Variants in ASPM observed in about 807,000 individuals in gnomAD.
ASPM encodes assembly factor for spindle microtubules, also known as abnormal spindle-like microcephaly-associated protein.
ASPM carries 256 observed loss-of-function variants against 366.4 expected under a neutral mutation model. The observed-to-expected ratio is 0.70, with a 90% CI of 0.63 to 0.77. The LOEUF (loss-of-function observed/expected upper bound fraction) is 0.77, where lower values mean the gene tolerates loss of function less well. ASPM is among the 30% of genes least tolerant of loss of function. The probability of loss-of-function intolerance (pLI) is 0.00; values close to 1 mark genes in which losing one functional copy is unlikely to be tolerated. For synonymous variants in ASPM, 1,414 were observed against 1,342.9 expected (o/e 1.05, Z -1.16); for missense variants, 4,146 against 4,090.4 (o/e 1.01, Z -0.37).
Position 197,143,732 on chromosome 1 carries a change from T to C in ASPM, c.520A>G (p.Asn174Asp). ...GAAACACTAAATGTTTTATTAACAT[T>C]CTGAATATTTGAAACCCTTCTGTTG... ...SHNRRVSNIQ[N>D]VNKTFSVSQK... The change falls in exon 3 of 28, where the codon AAT becomes GAT. Residue 174 changes from asparagine to aspartate, a missense_variant. Physicochemically the swap from Asn to Asp is conservative, Grantham distance 23 (BLOSUM62 1). Around this residue, in one of 3 missense-constraint regions of ASPM, gnomAD observed 512 missense variants for 471.7 expected, o/e 1.09. Transcript: ENST00000367409. 6.2e-7 allele frequency: 1 copy of C among 1,613,748 alleles called. No homozygotes were observed. The highest frequency in any genetic ancestry group is 1.1e-5 in the South Asian group (1 of 91,014).
In ASPM at chr1:197,086,814, T is replaced by A; in HGVS notation, c.10320A>T (p.Arg3440Ser). The change falls in exon 27 of 28, where the codon AGA (arginine) becomes AGT (serine). Residue 3440 changes from arginine (R) to serine (S), a missense_variant. Coordinates refer to ENST00000367409, the MANE Select transcript of ASPM (RefSeq NM_018136.5). ...PFIPETPVRT[R>S]IVSRLKPDWV... ...ATTTAATTGCTTACCTTGAAACTATTCTGGTCCTTACAGGTGTTTCTGGGA... is the reference window on the plus strand; with the variant it reads ...ATTTAATTGCTTACCTTGAAACTATACTGGTCCTTACAGGTGTTTCTGGGA... 1 of 1,608,202 alleles carries A rather than the reference T, an allele frequency of 6.2e-7. No homozygotes were observed. Among genetic ancestry groups the A allele is most frequent in the Non-Finnish European group, 8.5e-7 (1 of 1,175,004 alleles).
intron 17 of ASPM, among the ~76,000 whole-genome samples, chr1:197,107,855 TG>T: frequency 6.6e-6 from 1 of 152,158 alleles, no homozygotes; most frequent in Admixed American, 6.6e-5. Context: ...CCAATTCTGT[TG>T]CAACAAGTCA....
Position 197,101,563 on chromosome 1 carries a change from GT to G in ASPM, c.7687del (p.Thr2563ProfsTer53). 6.2e-7 allele frequency: 1 copy of G among 1,609,500 alleles called. No individual in the cohort carries two copies. ...KHKASIVIQS[T>X]YRMYRQYCFY... ...ACAATACTGCCTATACATTCTGTAGGTGCTTTGTATTACGATAGAAGCTTTG... is the reference window on the plus strand; with the variant it reads ...ACAATACTGCCTATACATTCTGTAGGGCTTTGTATTACGATAGAAGCTTTG... On this transcript the variant is annotated frameshift_variant, in exon 18 of 28. Transcript: ENST00000367409. LOFTEE classifies it high-confidence loss of function.
chr1:197,132,616 ATTC>A (rs1658296458), intron 6 of ASPM, among the ~76,000 whole-genome samples: 1 of 152,068 alleles, frequency 6.6e-6, no homozygotes, highest in African/African-American at 2.4e-5. Context: ...AGATACCTGC[ATTC>A]TTATGTTCAT....
rs1174511500 is a variant in ASPM, at chr1:197,100,952, C to T, written c.8299G>A (p.Ala2767Thr). 1 of 1,612,500 alleles carries T rather than the reference C, an allele frequency of 6.2e-7. No individual in the cohort carries two copies. ...AGTGCAGATTGGTTAACAATGGCTGCCATCTTTTCCTCTGATACATTTTTC... is the reference window on the plus strand; with the variant it reads ...AGTGCAGATTGGTTAACAATGGCTGTCATCTTTTCCTCTGATACATTTTTC... ...KLKNVSEEKM[A>T]AIVNQSALCC... Residue 2767 changes from alanine to threonine, a missense_variant, in exon 18 of 28, where the codon GCA becomes ACA. Ala to Thr is a moderately conservative substitution (Grantham distance 58). Coordinates refer to ENST00000367409, the MANE Select transcript of ASPM (RefSeq NM_018136.5).
intron 27 of ASPM, among the ~76,000 whole-genome samples, chr1:197,085,853 C>T (rs968596148): frequency 7.9e-5 from 12 of 151,948 alleles, no homozygotes; most frequent in African/African-American, 9.7e-5. Flanking sequence ...TTTGTCAAAA[C>T]GAATTGAATT....
intron 4 of ASPM, chr1:197,139,434 A>C (rs1658517126): frequency 1.8e-6 from 1 of 553,602 alleles, no homozygotes; most frequent in African/African-American, 1.9e-5. Flanking sequence ...GTCTCCACTA[A>C]AAATACAAAA....
chr1:197,146,501 G>T lies in ASPM; in HGVS notation c.-64C>A. On this transcript the variant is annotated 5_prime_UTR_variant, in exon 1 of 28. Coordinates refer to ENST00000367409, the MANE Select transcript of ASPM (RefSeq NM_018136.5). ...TCCCACGAGGCGGCTCCGGAGCGGG[G>T]ATCCGGGACTTACGCTGACCGCTTC... 2 of 1,572,270 alleles carry T rather than the reference G, an allele frequency of 1.3e-6. No individual in the cohort carries two copies. Among genetic ancestry groups the T allele is most frequent in the South Asian group, 1.1e-5 (1 of 89,616 alleles).
Position 197,143,425 on chromosome 1 carries a change from A to G in ASPM, c.827T>C (p.Val276Ala). Residue 276 changes from valine (V) to alanine (A), a missense_variant, in exon 3 of 28, where the codon GTA (valine) becomes GCA (alanine). Transcript: ENST00000367409. ...VSKVSFNEKAVTETSFNSVNV... is the reference protein window; with the variant it reads ...VSKVSFNEKAATETSFNSVNV... ...TACGGAATTAAAGGAAGTTTCAGTT[A>G]CAGCTTTCTCATTAAAAGAAACTTT... The G allele has an allele frequency of 1.9e-6, 3 of 1,614,028 alleles. No homozygotes were observed. The highest frequency in any genetic ancestry group is 1.7e-6 in the Non-Finnish European group (2 of 1,179,890).
chr1:197,128,259 T>A (rs1039495519), intron 10 of ASPM, among the ~76,000 whole-genome samples: 1 of 151,098 alleles, frequency 6.6e-6, no homozygotes, highest in African/African-American at 2.4e-5. Context: ...TTATTATCCA[T>A]GAGTCCCAGT....
intron 17 of ASPM, among the ~76,000 whole-genome samples, chr1:197,116,810 T>G (rs1187538581): frequency 6.6e-6 from 1 of 152,100 alleles, no homozygotes; most frequent in African/African-American, 2.4e-5. Context: ...ATCAAAGAAT[T>G]CATATGGTTT....
intron 1 of ASPM, 124 bp downstream of exon 1, chr1:197,146,017 G>T: frequency 7.9e-7 from 1 of 1,261,584 alleles, no homozygotes; most frequent in Non-Finnish European, 1.1e-6. Flanking sequence ...AAAGGGAACT[G>T]ACTTTATTCT....
intron 17 of ASPM, among the ~76,000 whole-genome samples, chr1:197,107,565 C>T (rs562043470): frequency 6.6e-6 from 1 of 151,994 alleles, no homozygotes; most frequent in African/African-American, 2.4e-5. Flanking sequence ...TCAACTCTCA[C>T]AAGAAAAGAT....
At chr1:197,138,646 T>C (rs1165842633) in intron 4 of ASPM, 10 of 511,982 alleles carry the variant, frequency 2.0e-5, no homozygotes, top group East Asian at 1.1e-4. Flanking sequence ...CAAGCCAATT[T>C]TTAAAATAAG....
At chr1:197,132,174 T>A in intron 7 of ASPM, 111 bp downstream of exon 7, 1 of 836,202 alleles carries the variant, frequency 1.2e-6, no homozygotes, top group Non-Finnish European at 1.8e-6. Flanking sequence ...CAAGCTAACC[T>A]AATGACTTTC....
Position 197,101,516 on chromosome 1 carries a change from C to T in ASPM, c.7735G>A (p.Ala2579Thr), listed in dbSNP as rs866786723. 3 of 1,609,188 alleles carry T rather than the reference C, an allele frequency of 1.9e-6. No individual in the cohort carries two copies. The highest frequency in any genetic ancestry group is 2.5e-6 in the Non-Finnish European group (3 of 1,178,940). Residue 2579 changes from alanine to threonine, a missense_variant, in exon 18 of 28, where the codon GCT becomes ACT. Coordinates refer to ENST00000367409, the MANE Select transcript of ASPM (RefSeq NM_018136.5). Reference sequence around the variant, plus strand: ...TATTTTTCTTGTATGATTTTTGTAGCCCACTGAAGCTTTTGGTAGAAACAA... The same window carrying T: ...TATTTTTCTTGTATGATTTTTGTAGTCCACTGAAGCTTTTGGTAGAAACAA... Reference protein sequence around the residue: ...QYCFYQKLQWATKIIQEKYRA... With the variant: ...QYCFYQKLQWTTKIIQEKYRA...
In ASPM at chr1:197,091,956, A is replaced by G. The variant is rs36004306; in HGVS notation, c.9395T>C (p.Leu3132Pro). 126 of 1,611,584 alleles carry G rather than the reference A, an allele frequency of 7.8e-5. No homozygotes were observed. The Middle Eastern group carries it at 2.8e-3, about 35-fold the overall frequency. Residue 3132 changes from leucine (L) to proline (P), a missense_variant, in exon 22 of 28, where the codon CTG becomes CCG. Leu to Pro is a moderately conservative substitution (Grantham distance 98). Around this residue, in one of 3 missense-constraint regions of ASPM, gnomAD observed 3,624 missense variants for 3,591.7 expected, o/e 1.01. Coordinates refer to ENST00000367409, the MANE Select transcript of ASPM (RefSeq NM_018136.5). ...VRIQRAYKLY[L>P]AVKNANKQVN... ...CTGCTTGTTAGCATTCTTCACAGCC[A>G]GGTAAAGTTTATAGGCTCTTTGAAT...
chr1:197,119,817 G>GCTACC (rs1313061000), intron 16 of ASPM, among the ~76,000 whole-genome samples: 2 of 152,032 alleles, frequency 1.3e-5, no homozygotes, highest in Non-Finnish European at 2.9e-5. Flanking sequence ...GGTAATTTTA[G>GCTACC]CTACTTGACA....
In ASPM at chr1:197,135,237, G is replaced by A; in HGVS notation, c.2032C>T (p.Pro678Ser). 2 of 1,613,834 alleles carry A rather than the reference G, an allele frequency of 1.2e-6. No homozygotes were observed. The highest frequency in any genetic ancestry group is 8.5e-7 in the Non-Finnish European group (1 of 1,179,864). Residue 678 changes from proline (P) to serine (S), a missense_variant, in exon 5 of 28, where the codon CCC (proline) becomes TCC (serine). Pro to Ser is a moderately conservative substitution (Grantham distance 74, BLOSUM62 -1). Coordinates refer to ENST00000367409, the MANE Select transcript of ASPM (RefSeq NM_018136.5). The part of the protein sequence containing the change: ...TFIKPLKTDI[P>S]RHPMPFAAKN... ...GCAGCAAATGGCATCGGGTGTCTGGGAATATCTAAGAATACAATTAGGTTA... is the reference window on the plus strand; with the variant it reads ...GCAGCAAATGGCATCGGGTGTCTGGAAATATCTAAGAATACAATTAGGTTA...
Sources: gnomAD v4.1 joint callset for allele counts (sites outside exome capture counted in the v4.1 genomes callset) on GRCh38, gnomAD v4.1.1 for gene constraint, gnomAD v4.1.1 regional missense constraint, MANE v1.5 for transcripts, NCBI Gene and HGNC (gene_info 2026-07-23, HGNC 2026-07-21) for gene names.